APP: variants seen among roughly 807,000 people sequenced by gnomAD.
APP encodes amyloid beta precursor protein.
In APP, 31 loss-of-function variants were observed where a neutral mutation model predicts 101.4. That is an observed-to-expected ratio of 0.31 (90% confidence interval 0.23 to 0.41). The LOEUF is 0.41. APP is among the 10% of genes least tolerant of loss of function. The pLI is 1.00. For synonymous variants in APP, 366 were observed against 364.4 expected, an observed-to-expected ratio of 1.00 and a Z score of -0.05; for missense variants, 839 against 1,003.7, an observed-to-expected ratio of 0.84 and a Z score of 2.22.
At chr21:25,942,420 A>C (rs570060872) in intron 13 of APP, 25 of 152,304 alleles carry the variant, frequency 1.6e-4, no homozygotes, top group African/African-American at 6.0e-4. Flanking sequence ...GCTGAAAACT[A>C]AGATTCTTTC....
At chr21:26,057,337 A>G (rs2046082120) in intron 3 of APP, among the ~76,000 whole-genome samples, 1 of 152,240 alleles carries the variant, frequency 6.6e-6, no homozygotes. Flanking sequence ...TTTACAGCAA[A>G]CTTTAGGCAA....
intron 1 of APP, among the ~76,000 whole-genome samples, chr21:26,151,851 G>A (rs2063277431): frequency 6.6e-6 from 1 of 151,980 alleles, no homozygotes; most frequent in South Asian, 2.1e-4. Flanking sequence ...CATGGCCCAG[G>A]GGTTAGGGAC....
At chr21:26,170,443 G>A in intron 1 of APP, 121 bp downstream of exon 1, 1 of 1,065,510 alleles carries the variant, frequency 9.4e-7, no homozygotes, top group Non-Finnish European at 1.3e-6. Flanking sequence ...GGGGCGGAGA[G>A]GAGAGGGGTC....
chr21:26,166,032 T>C (rs192640817), intron 1 of APP, among the ~76,000 whole-genome samples: 141 of 152,326 alleles, frequency 9.3e-4, no homozygotes, highest in Non-Finnish European at 1.5e-3. Context: ...CCAAGATTAA[T>C]CTAAAGAGGA....
At chr21:26,123,829 C>A in intron 1 of APP, among the ~76,000 whole-genome samples, 1 of 152,112 alleles carries the variant, frequency 6.6e-6, no homozygotes. Context: ...CAGAGGCAAT[C>A]TGATATTGAC....
intron 2 of APP, among the ~76,000 whole-genome samples, chr21:26,092,451 T>C (rs1439214757): frequency 6.6e-6 from 1 of 152,144 alleles, no homozygotes; most frequent in African/African-American, 2.4e-5. Flanking sequence ...CTTCCCACTA[T>C]ATGACATTCT....
chr21:26,021,610 C>T (rs961596630), intron 6 of APP, among the ~76,000 whole-genome samples: 2 of 151,990 alleles, frequency 1.3e-5, no homozygotes, highest in African/African-American at 4.8e-5. Context: ...TTGGGATTTG[C>T]CAAGCAGCAT....
intron 1 of APP, among the ~76,000 whole-genome samples, chr21:26,126,039 G>A (rs544351216): frequency 9.9e-5 from 15 of 152,280 alleles, no homozygotes; most frequent in Admixed American, 6.5e-4. Context: ...TCTATATCTC[G>A]CCCTTGGGCA....
intron 6 of APP, among the ~76,000 whole-genome samples, chr21:26,010,895 G>C (rs1488177248): frequency 6.6e-6 from 1 of 150,898 alleles, no homozygotes; most frequent in African/African-American, 2.4e-5. Context: ...GTCTTGGTGA[G>C]GCACACCTGT....
intron 5 of APP, among the ~76,000 whole-genome samples, chr21:26,028,414 G>C (rs1033269374): frequency 2.0e-5 from 3 of 152,168 alleles, no homozygotes; most frequent in Non-Finnish European, 2.9e-5. Flanking sequence ...AGGCATCTGA[G>C]TTGGCCGGAA....
intron 17 of APP, among the ~76,000 whole-genome samples, chr21:25,887,037 G>A (rs1205847958): frequency 6.6e-6 from 1 of 152,112 alleles, no homozygotes; most frequent in African/African-American, 2.4e-5. Flanking sequence ...CCAGGAGGTG[G>A]GGGCGGGGAG....
At chr21:26,097,584 C>T (rs995832419) in intron 2 of APP, among the ~76,000 whole-genome samples, 1 of 152,154 alleles carries the variant, frequency 6.6e-6, no homozygotes, top group East Asian at 1.9e-4. Flanking sequence ...TTATACAAAT[C>T]ATAGCATCTG....
chr21:26,016,445 G>C (rs1328966844), intron 6 of APP, among the ~76,000 whole-genome samples: 1 of 152,230 alleles, frequency 6.6e-6, no homozygotes, highest in Non-Finnish European at 1.5e-5. Context: ...AGGTTGAAAT[G>C]AATTTGTGTG....
In APP at chr21:25,881,447, T is replaced by G; in HGVS notation, c.*223A>C. ...CAGTACACAAAACCCATTAATAATGTAGTATAGAGACCAAAATGTAAAGAG... is the reference window on the plus strand; with the variant it reads ...CAGTACACAAAACCCATTAATAATGGAGTATAGAGACCAAAATGTAAAGAG... On this transcript the variant is annotated 3_prime_UTR_variant, in exon 18 of 18. Transcript: ENST00000346798. The G allele has an allele frequency of 1.6e-6, 1 of 607,110 alleles. No homozygotes were observed. The highest frequency in any genetic ancestry group is 1.9e-5 in the South Asian group (1 of 52,760). The allele number at this position is 607,110 out of a possible 1,614,324, so 37.6% of individuals were successfully genotyped here. A position where few individuals can be genotyped will look rare whatever the true frequency, so the allele number is the denominator to read the frequency against.
chr21:26,127,079 CA>C (rs1294782605), intron 1 of APP, among the ~76,000 whole-genome samples: 1 of 152,018 alleles, frequency 6.6e-6, no homozygotes, highest in Admixed American at 6.6e-5. Context: ...AAGATTGCCC[CA>C]TAATTATTTC....
intron 1 of APP, among the ~76,000 whole-genome samples, chr21:26,168,572 G>T (rs1305121044): frequency 2.6e-5 from 4 of 151,356 alleles, no homozygotes; most frequent in African/African-American, 9.8e-5. Context: ...TATACAGAAA[G>T]AAATATTGCT....
At chr21:26,152,940 T>C (rs370345) in intron 1 of APP, among the ~76,000 whole-genome samples, 74,200 of 152,098 alleles carry the variant, frequency 0.49, 20,376 homozygotes, top group African/African-American at 0.76. Context: ...GGCATATATA[T>C]ATCAGGGACT....
At chr21:26,084,300 G>T (rs1429813603) in intron 3 of APP, among the ~76,000 whole-genome samples, 1 of 142,542 alleles carries the variant, frequency 7.0e-6, no homozygotes, top group African/African-American at 2.6e-5. Context: ...GCGCAGTGGC[G>T]CGATCTCGGC....
Position 25,918,589 on chromosome 21 carries a change from G to GTTCC in APP, c.1688-6631_1688-6628dup, listed in dbSNP as rs1367427514. On this transcript the variant is annotated intron_variant, in intron 13 of 17. Transcript: ENST00000346798. ...CCTGGGAAGCGCAAGGGGTCAGGGA[G>GTTCC]TTCCCTTTCTGAGTCAAAGAAAGGG... 2.6e-5 allele frequency among the ~76,000 whole-genome samples: 4 copies of GTTCC among 152,032 alleles called. No individual in the cohort carries two copies. The East Asian group carries it at 5.8e-4, about 22-fold the overall frequency.
Sources: gnomAD v4.1 joint callset for allele counts (sites outside exome capture counted in the v4.1 genomes callset) on GRCh38, gnomAD v4.1.1 for gene constraint, MANE v1.5 for transcripts, NCBI Gene and HGNC (gene_info 2026-07-23, HGNC 2026-07-21) for gene names.